Variants in DLGAP3 observed in about 807,000 individuals in gnomAD.
DLGAP3 encodes the protein disks large-associated protein 3.
DLGAP3 carries 17 observed loss-of-function variants against 81.2 expected under a neutral mutation model. That is an observed-to-expected ratio of 0.21 (90% confidence interval 0.14 to 0.31). The LOEUF (loss-of-function observed/expected upper bound fraction) is 0.31. Ranked by LOEUF, DLGAP3 falls within the 10% of genes least tolerant of loss-of-function variation. The probability of loss-of-function intolerance (pLI) is 1.00; values close to 1 mark genes in which losing one functional copy is unlikely to be tolerated. For missense variants in DLGAP3, 1,124 were observed against 1,388.0 expected, an observed-to-expected ratio of 0.81 and a Z score of 3.02; for synonymous variants, 577 against 587.4, an observed-to-expected ratio of 0.98 and a Z score of 0.26.
chr1:34,919,829 C>A (rs1639771342), intron 1 of DLGAP3, among the ~76,000 whole-genome samples: 1 of 152,086 alleles, frequency 6.6e-6, no homozygotes, highest in African/African-American at 2.4e-5. Flanking sequence ...AGAGAAATTA[C>A]TCCCCTACTG....
Position 34,867,697 on chromosome 1 carries a change from C to G in DLGAP3, c.2486-70G>C. 2 of 1,264,066 alleles carry G rather than the reference C, an allele frequency of 1.6e-6. No homozygotes were observed. The highest frequency in any genetic ancestry group is 2.3e-6 in the Non-Finnish European group (2 of 866,906). 78.3% of individuals were successfully genotyped at this position (1,264,066 alleles called of 1,614,324 possible). A position where few individuals can be genotyped will look rare whatever the true frequency, so the allele number is the denominator to read the frequency against. ...TTCCCCAGCCTCCACGAAGTCTGCC[C>G]TGAATGACGCTGACCCCTCGGTTGC... is the stretch of plus-strand genomic sequence containing the variant. On this transcript the variant is annotated intron_variant, in intron 9 of 11. Transcript: ENST00000373347. This position sits in a 1 kb window ranked among gnomAD's most constrained non-coding sequence, Gnocchi z 4.3.
At chr1:34,893,162 G>C (rs1240914083) in intron 5 of DLGAP3, among the ~76,000 whole-genome samples, 2 of 118,470 alleles carry the variant, frequency 1.7e-5, no homozygotes, top group African/African-American at 3.2e-5. Context: ...CTGGGCGACA[G>C]AGCGAGACTC....
intron 1 of DLGAP3, among the ~76,000 whole-genome samples, chr1:34,924,830 G>C (rs1025192474): frequency 4.6e-5 from 7 of 152,204 alleles, no homozygotes; most frequent in Non-Finnish European, 8.8e-5. Flanking sequence ...ACTAACAACT[G>C]TGAAACCTAA....
chr1:34,899,001 C>T (rs1036634077), intron 5 of DLGAP3, among the ~76,000 whole-genome samples: 4 of 151,860 alleles, frequency 2.6e-5, no homozygotes, highest in Admixed American at 2.6e-4. Context: ...TTCCTCAGGA[C>T]AGAGGGGTAA....
At chr1:34,884,756 C>T (rs1639192702) in intron 8 of DLGAP3, among the ~76,000 whole-genome samples, 1 of 152,186 alleles carries the variant, frequency 6.6e-6, no homozygotes, top group Admixed American at 6.5e-5. Context: ...CCTCTGAGCA[C>T]CTGGGGTGGG....
chr1:34,917,154 G>A (rs146463405), intron 1 of DLGAP3, among the ~76,000 whole-genome samples: 6 of 152,128 alleles, frequency 3.9e-5, no homozygotes, highest in South Asian at 2.1e-4. Context: ...CCCCAAGACT[G>A]TTCATTCACA....
chr1:34,901,462 A>G (rs1489859626), intron 3 of DLGAP3, among the ~76,000 whole-genome samples: 1 of 152,210 alleles, frequency 6.6e-6, no homozygotes, highest in Non-Finnish European at 1.5e-5. Flanking sequence ...TAGAAGATCC[A>G]TGTGCAATTC....
rs1045881546 is a variant in DLGAP3 at position 34,873,626 on chromosome 1, C to A, written c.2001-4537G>T. ...AGAGAGGGAGCTGGACAAACACAAT[C>A]ATCGGAATGTAGCACTGAGAACCCG... On this transcript the variant is annotated intron_variant, in intron 8 of 11. Transcript: ENST00000373347. The surrounding 1 kb of genome is among the most constrained non-coding windows in gnomAD (Gnocchi z 4.2). 6.6e-6 allele frequency among the ~76,000 whole-genome samples: 1 copy of A among 152,210 alleles called. No individual in the cohort carries two copies. The highest frequency in any genetic ancestry group is 1.9e-4 in the East Asian group (1 of 5,206).
chr1:34,906,742 G>A (rs1208174101), intron 2 of DLGAP3, among the ~76,000 whole-genome samples: 10 of 152,212 alleles, frequency 6.6e-5, no homozygotes, highest in African/African-American at 2.4e-4. Flanking sequence ...CCCAGGAACA[G>A]AGGGAAGGCA....
chr1:34,878,057 C>T (rs1158331465), intron 8 of DLGAP3, among the ~76,000 whole-genome samples: 1 of 152,214 alleles, frequency 6.6e-6, no homozygotes, highest in East Asian at 1.9e-4. Context: ...GTAATCCCAA[C>T]ACTTTGGGAG....
chr1:34,883,663 G>C (rs2148400770), intron 8 of DLGAP3, among the ~76,000 whole-genome samples: 2 of 150,962 alleles, frequency 1.3e-5, no homozygotes, highest in African/African-American at 5.0e-5. Context: ...AGGTTTAGAA[G>C]TCATGCAGGC....
intron 5 of DLGAP3, among the ~76,000 whole-genome samples, chr1:34,893,228 T>TGAAAGAAAA (rs1639342376): frequency 6.7e-6 from 1 of 148,760 alleles, no homozygotes; most frequent in Non-Finnish European, 1.5e-5. Context: ...AGTGGAGTGG[T>TGAAAGAAAA]ATATTCTAAG....
At chr1:34,877,452 G>T (rs1639075226) in intron 8 of DLGAP3, among the ~76,000 whole-genome samples, 1 of 152,144 alleles carries the variant, frequency 6.6e-6, no homozygotes, top group Non-Finnish European at 1.5e-5. Flanking sequence ...AAAACTTCAA[G>T]CAGTGCTTCA....
intron 5 of DLGAP3, among the ~76,000 whole-genome samples, chr1:34,891,843 C>T (rs1181186319): frequency 6.6e-6 from 1 of 152,236 alleles, no homozygotes; most frequent in Non-Finnish European, 1.5e-5. Context: ...ATGGAAACAT[C>T]AGAGGCCACA....
At chr1:34,915,985 C>T (rs1181647604) in intron 1 of DLGAP3, among the ~76,000 whole-genome samples, 3 of 152,126 alleles carry the variant, frequency 2.0e-5, no homozygotes, top group Non-Finnish European at 1.5e-5. Flanking sequence ...CCTCTATTCC[C>T]CACAGTAGGG....
At chr1:34,927,881 T>C (rs1639898803) in intron 1 of DLGAP3, among the ~76,000 whole-genome samples, 1 of 152,188 alleles carries the variant, frequency 6.6e-6, no homozygotes, top group African/African-American at 2.4e-5. Flanking sequence ...GGCTGAGGTC[T>C]TTCTGTACCA....
At chr1:34,928,559 T>A (rs1639908133) in intron 1 of DLGAP3, among the ~76,000 whole-genome samples, 1 of 151,546 alleles carries the variant, frequency 6.6e-6, no homozygotes, top group Non-Finnish European at 1.5e-5. Flanking sequence ...GGGTCAGGGG[T>A]CCCCAGAGAA....
At chr1:34,907,896 G>A (rs1316210768) in intron 1 of DLGAP3, among the ~76,000 whole-genome samples, 5 of 152,098 alleles carry the variant, frequency 3.3e-5, no homozygotes, top group Non-Finnish European at 7.4e-5. Flanking sequence ...CTTTATTTTT[G>A]CACTAACTCT....
rs1205189509 is a variant in DLGAP3 at position 34,902,707 on chromosome 1, G to A, written c.1107+1570C>T. Among the ~76,000 whole-genome samples the A allele has an allele frequency of 6.6e-6, 1 of 152,120 alleles. No individual in the cohort carries two copies. The highest frequency in any genetic ancestry group is 2.4e-5 in the African/African-American group (1 of 41,410). ...GCAGCAGGCAGGTGGAGAGAGGCAG[G>A]CCAGCAGATGGGAAGGCCATACTGC... On this transcript the variant is annotated intron_variant, in intron 3 of 11. Coordinates refer to ENST00000373347, the MANE Select transcript of DLGAP3 (RefSeq NM_001080418.3). This position sits in a 1 kb window ranked among gnomAD's most constrained non-coding sequence, Gnocchi z 4.4.
Sources: allele counts gnomAD v4.1 joint callset (sites outside exome capture counted in the v4.1 genomes callset), GRCh38; gene constraint gnomAD v4.1.1; non-coding constraint Gnocchi (gnomAD v3.1); transcripts MANE v1.5; gene names NCBI Gene and HGNC (gene_info 2026-07-23, HGNC 2026-07-21).